Variants in TMEM8B observed in about 807,000 individuals in gnomAD.
The protein encoded by TMEM8B is nasopharyngeal carcinoma expressed 6.
TMEM8B carries 29 observed loss-of-function variants against 49.3 expected under a neutral mutation model. The ratio of observed to expected loss-of-function variants is 0.59; its 90% CI spans 0.44 to 0.80. TMEM8B has a LOEUF of 0.80. TMEM8B is among the 30% of genes least tolerant of loss of function. The pLI, the probability that TMEM8B is intolerant of heterozygous loss-of-function variation, is 0.00. For synonymous variants in TMEM8B, 264 were observed against 272.8 expected, an observed-to-expected ratio of 0.97 and a Z score of 0.32; for missense variants, 575 against 658.5, an observed-to-expected ratio of 0.87 and a Z score of 1.39.
intron 3 of TMEM8B, among the ~76,000 whole-genome samples, chr9:35,840,330 A>G (rs947851442): frequency 6.6e-6 from 1 of 152,230 alleles, no homozygotes; most frequent in Non-Finnish European, 1.5e-5. Flanking sequence ...GGGCAGGGGC[A>G]TCAAAGATGA....
In TMEM8B at chr9:35,842,881, T is replaced by C. The variant is rs1831165009; in HGVS notation, c.1635+164T>C. 6.6e-6 allele frequency among the ~76,000 whole-genome samples: 1 copy of C among 152,202 alleles called. No individual in the cohort carries two copies. The highest frequency in any genetic ancestry group is 6.5e-5 in the Admixed American group (1 of 15,288). ...TCAGCCCAATTCTGGTCAACAAACATGTCCTGAGTATTCACTCTGCTACAG... is the reference window on the plus strand; with the variant it reads ...TCAGCCCAATTCTGGTCAACAAACACGTCCTGAGTATTCACTCTGCTACAG... On this transcript the variant is annotated intron_variant, in intron 6 of 12. Transcript: ENST00000643932. The surrounding 1 kb of genome is among the most constrained non-coding windows in gnomAD (Gnocchi z 5.6).
At chr9:35,833,424 T>A in intron 1 of TMEM8B, 1 of 951,900 alleles carries the variant, frequency 1.1e-6, no homozygotes, top group Non-Finnish European at 1.3e-6. Flanking sequence ...AGACCTTGCC[T>A]GCCATTTGGG....
chr9:35,843,195 A>G (rs187778967), intron 6 of TMEM8B, among the ~76,000 whole-genome samples: 1 of 152,102 alleles, frequency 6.6e-6, no homozygotes. Flanking sequence ...CAGTAAATCT[A>G]TCTCTGTCCT....
intron 3 of TMEM8B, among the ~76,000 whole-genome samples, chr9:35,835,768 G>A (rs981046298): frequency 6.6e-6 from 1 of 152,238 alleles, no homozygotes; most frequent in Non-Finnish European, 1.5e-5. Flanking sequence ...TGGGCAGCTA[G>A]TGTCCATCCT....
intron 1 of TMEM8B, chr9:35,833,462 G>T: frequency 1.6e-6 from 1 of 620,752 alleles, no homozygotes; most frequent in Non-Finnish European, 2.0e-6. Flanking sequence ...GCTACTGGTT[G>T]CCTCCACTGT....
In TMEM8B at chr9:35,842,554, G is replaced by A. The variant is rs1831125776; in HGVS notation, c.1472G>A (p.Arg491His). 10 of 1,614,034 alleles carry A rather than the reference G, an allele frequency of 6.2e-6. No homozygotes were observed. The East Asian group carries it at 1.8e-4, about 29-fold the overall frequency. The change falls in exon 6 of 13, where the codon CGC (arginine) becomes CAC (histidine). Residue 491 changes from arginine (R) to histidine (H), a missense_variant. By Grantham distance (29) the Arg-to-His change is conservative (BLOSUM62 0). Transcript: ENST00000643932. This position sits in a 1 kb window ranked among gnomAD's most constrained non-coding sequence, Gnocchi z 5.6. ...CCACCCGAGCACTGCTGGCCAGTGC[G>A]CCCGACTCTGCGCAACGAGCTGGAC... ...TSPPEHCWPV[R>H]PTLRNELDTF...
chr9:35,842,431 G>C lies in TMEM8B; in HGVS notation c.1349G>C (p.Gly450Ala). Residue 450 changes from glycine to alanine, a missense_variant, in exon 6 of 13, where the codon GGA (glycine) becomes GCA (alanine). Transcript: ENST00000643932. This position sits in a 1 kb window ranked among gnomAD's most constrained non-coding sequence, Gnocchi z 5.6. ...QPGLLRALVPGAAMNMPQSLG... is the reference protein window; with the variant it reads ...QPGLLRALVPAAAMNMPQSLG... The stretch of plus-strand genomic sequence containing the variant: ...GGCCTGCTCCGAGCCCTGGTCCCTG[G>C]AGCTGCCATGAACATGCCCCAGTCC... The C allele has an allele frequency of 6.4e-7, 1 of 1,552,530 alleles. No individual in the cohort carries two copies.
intron 10 of TMEM8B, among the ~76,000 whole-genome samples, chr9:35,851,481 A>G (rs948372183): frequency 6.6e-6 from 1 of 152,244 alleles, no homozygotes; most frequent in Non-Finnish European, 1.5e-5. Context: ...ATGGACCTAC[A>G]TGAAAAGTCT....
rs1239571454 is a variant in TMEM8B at position 35,853,006 on chromosome 9, T to C, written c.2322+33T>C. ...CAGAGTGGGCCCTGGGGAACAACCA[T>C]GGCCAAGTCTCCTTGAAATCCACTC... On this transcript the variant is annotated intron_variant, in intron 11 of 12. Transcript: ENST00000643932. The surrounding 1 kb of genome is among the most constrained non-coding windows in gnomAD (Gnocchi z 4.2). The C allele has an allele frequency of 6.2e-7, 1 of 1,613,654 alleles. No homozygotes were observed. The highest frequency in any genetic ancestry group is 1.3e-5 in the African/African-American group (1 of 74,998).
intron 1 of TMEM8B, chr9:35,833,451 T>G (rs10738948): frequency 1.3e-6 from 1 of 753,374 alleles, no homozygotes; most frequent in African/African-American, 1.9e-5. Flanking sequence ...TTCCCCTGTC[T>G]GCTACTGGTT....
rs1028723658 is a variant in TMEM8B at position 35,856,418 on chromosome 9, G to A, written c.*2578G>A. 42 of 152,340 alleles carry A rather than the reference G, an allele frequency of 2.8e-4. No individual in the cohort carries two copies. Among genetic ancestry groups the A allele is most frequent in the African/African-American group, 1.0e-3 (42 of 41,454 alleles). 9.4% of individuals were successfully genotyped at this position (152,340 alleles called of 1,614,324 possible). A position where few individuals can be genotyped will look rare whatever the true frequency, so the allele number is the denominator to read the frequency against. On this transcript the variant is annotated 3_prime_UTR_variant, in exon 13 of 13. Transcript: ENST00000643932. ...AGTGCATGTGCGCATGCTTTTGTGT[G>A]TGGAGTGGGGTGGTGGAGGTAAGCA...
chr9:35,846,428 G>T (rs750273846), intron 8 of TMEM8B, 41 bp from the exon 9 acceptor site: 114 of 1,598,478 alleles, frequency 7.1e-5, no homozygotes, highest in Non-Finnish European at 9.1e-5. Context: ...GACTTGGCGG[G>T]GGTGGCCCGG....
At chr9:35,846,422 TGGC>T (rs1237532969) in intron 8 of TMEM8B, 41 bp downstream of exon 8, 1 of 1,599,598 alleles carries the variant, frequency 6.3e-7, no homozygotes, top group East Asian at 2.2e-5. Context: ...GACCGGGACT[TGGC>T]GGGGGTGGCC....
rs1034753587 is a variant in TMEM8B, at chr9:35,857,483, A to G, written c.*3643A>G. On this transcript the variant is annotated 3_prime_UTR_variant, in exon 13 of 13. Transcript: ENST00000643932. The stretch of plus-strand genomic sequence containing the variant: ...ACAATACATACAAGGGTGCGAAGAC[A>G]TGGGGGTGCGGCAGTACAGATAATG... The G allele has an allele frequency of 6.6e-6, 1 of 152,190 alleles. No individual in the cohort carries two copies. Among genetic ancestry groups the G allele is most frequent in the Non-Finnish European group, 1.5e-5 (1 of 68,072 alleles). The allele number at this position is 152,190 out of a possible 1,614,324, so 9.4% of individuals were successfully genotyped here. A position where few individuals can be genotyped will look rare whatever the true frequency, so the allele number is the denominator to read the frequency against.
intron 7 of TMEM8B, 41 bp from the exon 8 acceptor site, chr9:35,846,212 TTCTGA>T (rs938264738): frequency 6.2e-7 from 1 of 1,611,602 alleles, no homozygotes; most frequent in African/African-American, 1.3e-5. Context: ...GGTTCTTGGG[TTCTGA>T]CCCCTCCTCC....
At chr9:35,852,503 A>T (rs949106914) in intron 10 of TMEM8B, among the ~76,000 whole-genome samples, 4 of 152,140 alleles carry the variant, frequency 2.6e-5, no homozygotes, top group African/African-American at 9.7e-5. Flanking sequence ...ATGAGGAGAC[A>T]GGGACAGGAT....
At position 35,864,895 on chromosome 9, in the gene TMEM8B, G is replaced by GCACCT. The variant is rs1289817175; in HGVS notation, c.*11057_*11061dup. On this transcript the variant is annotated 3_prime_UTR_variant, in exon 13 of 13. Coordinates refer to ENST00000643932, the MANE Select transcript of TMEM8B (RefSeq NM_001042590.4). ...GGTGCTGGGATGGGCTAGGTTCCCC[G>GCACCT]CACCTCGCCCTGCCACTGCCTCCCA... The GCACCT allele has an allele frequency of 6.6e-6, 1 of 152,184 alleles. No individual in the cohort carries two copies. The highest frequency in any genetic ancestry group is 1.5e-5 in the Non-Finnish European group (1 of 68,072). The allele number at this position is 152,184 out of a possible 1,614,324, so 9.4% of individuals were successfully genotyped here.
rs996828247 is a variant in TMEM8B at position 35,855,171 on chromosome 9, G to A, written c.*1331G>A. ...AGTTGTCTAAGGCCTTGGCTATGCA[G>A]ACACACCTTGAAGCTGTTTCTGCTC... On this transcript the variant is annotated 3_prime_UTR_variant, in exon 13 of 13. Coordinates refer to ENST00000643932, the MANE Select transcript of TMEM8B (RefSeq NM_001042590.4). The A allele has an allele frequency of 1.3e-5, 2 of 152,224 alleles. No homozygotes were observed. The highest frequency in any genetic ancestry group is 2.9e-5 in the Non-Finnish European group (2 of 68,046). 9.4% of individuals were successfully genotyped at this position (152,224 alleles called of 1,614,324 possible).
chr9:35,832,168 G>GGTGTGTGTGTGTGT (rs34044138), intron 1 of TMEM8B, among the ~76,000 whole-genome samples: 2 of 146,842 alleles, frequency 1.4e-5, no homozygotes, highest in African/African-American at 2.5e-5. Flanking sequence ...TAGGTGTAGG[G>GGTGTGTGTGTGTGT]GTGTGTGTGT....
Sources: gnomAD v4.1 joint callset for allele counts (sites outside exome capture counted in the v4.1 genomes callset) on GRCh38, gnomAD v4.1.1 for gene constraint, Gnocchi (gnomAD v3.1) non-coding constraint, MANE v1.5 for transcripts, NCBI Gene and HGNC (gene_info 2026-07-23, HGNC 2026-07-21) for gene names.